CTNNA3: variants seen among roughly 807,000 people sequenced by gnomAD.
The protein encoded by CTNNA3 is catenin alpha-3.
CTNNA3 carries 76 observed loss-of-function variants against 95.7 expected under a neutral mutation model. The observed-to-expected ratio is 0.79, with a 90% CI of 0.66 to 0.96. The LOEUF is 0.96. CTNNA3 is among the 40% of genes least tolerant of loss of function. CTNNA3 has a pLI of 0.00. For synonymous variants in CTNNA3, 431 were observed against 374.4 expected, an observed-to-expected ratio of 1.15 and a Z score of -1.74; for missense variants, 1,191 against 1,089.8, an observed-to-expected ratio of 1.09 and a Z score of -1.31.
chr10:66,519,500 G>A (rs1428796652), intron 11 of CTNNA3, among the ~76,000 whole-genome samples: 3 of 152,106 alleles, frequency 2.0e-5, no homozygotes, highest in Non-Finnish European at 4.4e-5. Flanking sequence ...AACTGCTTAG[G>A]ACAAACCTGC....
chr10:66,037,964 A>C (rs562213464), intron 15 of CTNNA3, among the ~76,000 whole-genome samples: 1 of 152,338 alleles, frequency 6.6e-6, no homozygotes, highest in East Asian at 1.9e-4. Context: ...CATAAAGCGA[A>C]GGGGAGGGAC....
At chr10:66,383,683 C>T (rs117322135) in intron 11 of CTNNA3, among the ~76,000 whole-genome samples, 1,890 of 152,164 alleles carry the variant, frequency 0.012, 20 homozygotes, top group Middle Eastern at 0.021. Flanking sequence ...AAAGTGTTAA[C>T]GGCAGCCAGA....
intron 5 of CTNNA3, among the ~76,000 whole-genome samples, chr10:67,315,853 A>C (rs114214473): frequency 1.3e-5 from 2 of 152,116 alleles, no homozygotes; most frequent in Non-Finnish European, 2.9e-5. Context: ...TAGTGATTGC[A>C]CTGCTTTAAT....
upstream of CTNNA3, among the ~76,000 whole-genome samples, chr10:67,697,204 T>C (rs1385596848): frequency 3.9e-5 from 6 of 152,178 alleles, no homozygotes; most frequent in Non-Finnish European, 8.8e-5. Context: ...TAATTGACAA[T>C]ATATTTATCT....
intron 9 of CTNNA3, among the ~76,000 whole-genome samples, chr10:66,693,928 A>G (rs964432805): frequency 6.6e-6 from 1 of 152,146 alleles, no homozygotes. Context: ...ACAAAGACAC[A>G]ACATACCAGA....
intron 1 of CTNNA3, among the ~76,000 whole-genome samples, chr10:67,686,298 A>G (rs988501638): frequency 6.6e-6 from 1 of 152,326 alleles, no homozygotes; most frequent in South Asian, 2.1e-4. Context: ...TTACTATGGC[A>G]TAACCTGCCC....
intron 5 of CTNNA3, among the ~76,000 whole-genome samples, chr10:67,375,495 C>A (rs1479094628): frequency 6.6e-6 from 1 of 152,090 alleles, no homozygotes; most frequent in Non-Finnish European, 1.5e-5. Context: ...TTACTGTAAT[C>A]CCAGCTACTC....
At chr10:66,143,760 C>T (rs1439649442) in intron 13 of CTNNA3, among the ~76,000 whole-genome samples, 1 of 152,110 alleles carries the variant, frequency 6.6e-6, no homozygotes, top group East Asian at 1.9e-4. Context: ...GGTCCCAGGA[C>T]CAGTTATTTC....
intron 5 of CTNNA3, among the ~76,000 whole-genome samples, chr10:67,307,480 T>G (rs1840604030): frequency 6.6e-6 from 1 of 151,968 alleles, no homozygotes; most frequent in African/African-American, 2.4e-5. Context: ...GTTTGTTTGT[T>G]TGTTTGGTTG....
At chr10:66,173,359 C>T (rs143189254) in intron 13 of CTNNA3, among the ~76,000 whole-genome samples, 4 of 152,114 alleles carry the variant, frequency 2.6e-5, no homozygotes, top group Non-Finnish European at 5.9e-5. Context: ...CTAGCAATAT[C>T]GAATGTTCTA....
intron 7 of CTNNA3, among the ~76,000 whole-genome samples, chr10:67,054,393 T>C (rs1420580101): frequency 2.6e-5 from 4 of 152,162 alleles, no homozygotes; most frequent in Non-Finnish European, 4.4e-5. Flanking sequence ...AAGTGACCAA[T>C]GAGGACAGCA....
At chr10:66,220,677 C>G (rs2088878362) in intron 13 of CTNNA3, among the ~76,000 whole-genome samples, 1 of 152,136 alleles carries the variant, frequency 6.6e-6, no homozygotes, top group South Asian at 2.1e-4. Context: ...GGAAGTGGCT[C>G]TCAGCAGGAT....
chr10:66,150,797 A>C (rs1220532354), intron 13 of CTNNA3, among the ~76,000 whole-genome samples: 4 of 151,974 alleles, frequency 2.6e-5, no homozygotes, highest in Non-Finnish European at 4.4e-5. Context: ...TTATAATCAC[A>C]TATTTTTGTT....
At chr10:65,934,472 T>C (rs1230588627) in intron 17 of CTNNA3, among the ~76,000 whole-genome samples, 1 of 152,186 alleles carries the variant, frequency 6.6e-6, no homozygotes, top group Non-Finnish European at 1.5e-5. Flanking sequence ...CTAGTCCATT[T>C]GCTGTTGCTC....
intron 11 of CTNNA3, among the ~76,000 whole-genome samples, chr10:66,421,897 G>GATGTATATATATATATATATATATAT: frequency 5.5e-5 from 6 of 108,150 alleles, no homozygotes; most frequent in African/African-American, 1.7e-4. Context: ...TAATAAATGT[G>GATGTATATATATATATATATATATAT]ATATATATAT....
chr10:66,685,351 ATTTT>A (rs869108447), intron 9 of CTNNA3, among the ~76,000 whole-genome samples: 11 of 28,286 alleles, frequency 3.9e-4, no homozygotes, highest in East Asian at 1.1e-3. Context: ...ATATATATAT[ATTTT>A]TTTTTTTTTT....
At chr10:67,141,110 A>G (rs1860538164) in intron 7 of CTNNA3, among the ~76,000 whole-genome samples, 1 of 152,238 alleles carries the variant, frequency 6.6e-6, no homozygotes, top group Admixed American at 6.5e-5. Context: ...GCCGTCTCAA[A>G]GATAATATTT....
At chr10:66,951,003 C>A (rs1056448985) in intron 7 of CTNNA3, among the ~76,000 whole-genome samples, 1 of 151,870 alleles carries the variant, frequency 6.6e-6, no homozygotes, top group Admixed American at 6.6e-5. Flanking sequence ...AGATGGTATG[C>A]TTATTTAAAT....
intron 11 of CTNNA3, among the ~76,000 whole-genome samples, chr10:66,442,026 T>C (rs1365036849): frequency 1.3e-5 from 2 of 152,202 alleles, no homozygotes; most frequent in African/African-American, 2.4e-5. Context: ...TAATAGTACA[T>C]TGTTTGAAAA....
Sources: gnomAD v4.1 joint callset for allele counts (sites outside exome capture counted in the v4.1 genomes callset) on GRCh38, gnomAD v4.1.1 for gene constraint, MANE v1.5 for transcripts, NCBI Gene and HGNC (gene_info 2026-07-23, HGNC 2026-07-21) for gene names.